ACVR1B: variants seen among roughly 807,000 people sequenced by gnomAD.
ACVR1B encodes activin A receptor type 1B, also known as activin receptor type-1B.
ACVR1B carries 15 observed loss-of-function variants against 55.6 expected under a neutral mutation model. That is an observed-to-expected ratio of 0.27 (90% confidence interval 0.18 to 0.42). The LOEUF is 0.42. ACVR1B is among the 10% of genes least tolerant of loss of function. The pLI, the probability that ACVR1B is intolerant of heterozygous loss-of-function variation, is 1.00. For missense variants in ACVR1B, 359 were observed against 670.1 expected (o/e 0.54, Z 5.13); for synonymous variants, 247 against 254.6 (o/e 0.97, Z 0.28).
intron 1 of ACVR1B, among the ~76,000 whole-genome samples, chr12:51,962,730 T>C (rs887146295): frequency 6.6e-6 from 1 of 152,212 alleles, no homozygotes; most frequent in African/African-American, 2.4e-5. Flanking sequence ...GTTGTCTAGA[T>C]CAGTAGCTAT....
chr12:51,951,784 T>C lies in ACVR1B; in HGVS notation c.41T>C (p.Val14Ala), dbSNP rs1300142889. ...SAGASSFFPLVVLLLAGSGGS... is the reference protein window; with the variant it reads ...SAGASSFFPLAVLLLAGSGGS... ...GGAGCCTCCTCCTTCTTCCCCCTTG[T>C]TGTCCTCCTGCTCGCCGGCAGCGGC... The change falls in exon 1 of 9, where the codon GTT becomes GCT. Residue 14 changes from valine to alanine, a missense_variant. Around this residue, in one of 5 missense-constraint regions of ACVR1B, gnomAD observed 48 missense variants for 40.6 expected, o/e 1.18. Coordinates refer to ENST00000257963, the MANE Select transcript of ACVR1B (RefSeq NM_004302.5). 1 of 1,296,154 alleles carries C rather than the reference T, an allele frequency of 7.7e-7. No individual in the cohort carries two copies. The highest frequency in any genetic ancestry group is 1.5e-5 in the African/African-American group (1 of 65,700). 80.3% of individuals were successfully genotyped at this position (1,296,154 alleles called of 1,614,324 possible).
intron 1 of ACVR1B, among the ~76,000 whole-genome samples, chr12:51,959,566 C>G (rs1320855028): frequency 1.1e-4 from 16 of 152,214 alleles, no homozygotes; most frequent in Admixed American, 1.0e-3. Flanking sequence ...GCCTGGACTT[C>G]TGACCTGTAG....
At chr12:51,976,634 A>G in intron 3 of ACVR1B, 59 bp downstream of exon 3, 1 of 1,598,000 alleles carries the variant, frequency 6.3e-7, no homozygotes, top group South Asian at 1.1e-5. Context: ...TCCCAGCAGG[A>G]TAGAGTGCTT....
At chr12:51,957,384 C>A (rs1043618086) in intron 1 of ACVR1B, among the ~76,000 whole-genome samples, 1 of 147,790 alleles carries the variant, frequency 6.8e-6, no homozygotes, top group Non-Finnish European at 1.5e-5. Context: ...GCAGAGGTTG[C>A]AGTGAGCGGA....
intron 7 of ACVR1B, chr12:51,987,851 G>C (rs894654426): frequency 2.0e-5 from 3 of 152,262 alleles, no homozygotes; most frequent in African/African-American, 7.2e-5. Context: ...AATATAATTA[G>C]ATTGTTTGTA....
chr12:51,983,276 T>C (rs1942014258), intron 4 of ACVR1B, among the ~76,000 whole-genome samples: 1 of 152,196 alleles, frequency 6.6e-6, no homozygotes, highest in Non-Finnish European at 1.5e-5. Flanking sequence ...CTCTCCTCCT[T>C]CCTGCTGTCC....
intron 1 of ACVR1B, 43 bp downstream of exon 1, chr12:51,951,877 C>A: frequency 8.4e-7 from 1 of 1,189,946 alleles, no homozygotes; most frequent in Non-Finnish European, 1.1e-6. Flanking sequence ...TGGAGAGGGC[C>A]CGGCAAGGGC....
Position 51,958,760 on chromosome 12 carries a change from C to T in ACVR1B, c.91+6926C>T, listed in dbSNP as rs192157570. On this transcript the variant is annotated intron_variant, in intron 1 of 8. Coordinates refer to ENST00000257963, the MANE Select transcript of ACVR1B (RefSeq NM_004302.5). ...GCGGTTCACCGTAGGTTTCCCACTC[C>T]TATGAGAATCTAATGCCGCCGCTGA... is the stretch of plus-strand genomic sequence containing the variant. Among the ~76,000 whole-genome samples the T allele has an allele frequency of 1.5e-3, 223 of 152,342 alleles. 3 individuals carry two copies. The highest frequency in any genetic ancestry group is 3.2e-3 in the Admixed American group (49 of 15,310).
At position 51,951,817 on chromosome 12, in the gene ACVR1B, G is replaced by A; in HGVS notation, c.74G>A (p.Gly25Glu). Residue 25 changes from glycine to glutamate, a missense_variant, in exon 1 of 9, where the codon GGG (glycine) becomes GAG (glutamate). Gly to Glu is a moderately conservative substitution (Grantham distance 98). Coordinates refer to ENST00000257963, the MANE Select transcript of ACVR1B (RefSeq NM_004302.5). ...VLLLAGSGGSGPRGVQALLCA... is the reference protein window; with the variant it reads ...VLLLAGSGGSEPRGVQALLCA... ...CTGCTCGCCGGCAGCGGCGGGTCCG[G>A]GCCCCGGGGGGTCCAGGGTGAGTCC... 7.8e-7 allele frequency: 1 copy of A among 1,277,712 alleles called. No homozygotes were observed. Among genetic ancestry groups the A allele is most frequent in the Non-Finnish European group, 1.0e-6 (1 of 1,003,576 alleles). 79.1% of individuals were successfully genotyped at this position (1,277,712 alleles called of 1,614,324 possible). A position where few individuals can be genotyped will look rare whatever the true frequency, so the allele number is the denominator to read the frequency against.
chr12:51,989,406 T>C (rs1350065150), intron 7 of ACVR1B, among the ~76,000 whole-genome samples: 2 of 151,836 alleles, frequency 1.3e-5, no homozygotes, highest in Non-Finnish European at 1.5e-5. Context: ...TGCCTCAGCC[T>C]CCCGAGTAGC....
chr12:51,983,903 A>G, intron 4 of ACVR1B, 96 bp from the exon 5 acceptor site: 1 of 1,289,520 alleles, frequency 7.8e-7, no homozygotes, highest in African/African-American at 1.5e-5. Context: ...TCAGGAGTCT[A>G]ACCTGATTTT....
At chr12:51,960,735 C>T (rs905701055) in intron 1 of ACVR1B, among the ~76,000 whole-genome samples, 1 of 152,206 alleles carries the variant, frequency 6.6e-6, no homozygotes, top group South Asian at 2.1e-4. Flanking sequence ...ACTGTGAGTA[C>T]TGTAAAAGTG....
intron 6 of ACVR1B, among the ~76,000 whole-genome samples, 184 bp from the exon 7 acceptor site, chr12:51,986,634 G>A (rs1942081319): frequency 6.6e-6 from 1 of 152,240 alleles, no homozygotes; most frequent in South Asian, 2.1e-4. Flanking sequence ...CTGTGCTGAA[G>A]TATTTAGAAT....
chr12:51,989,416 C>A (rs1942145404), intron 7 of ACVR1B, among the ~76,000 whole-genome samples: 1 of 151,882 alleles, frequency 6.6e-6, no homozygotes, highest in Non-Finnish European at 1.5e-5. Flanking sequence ...TCCCGAGTAG[C>A]TGGGATTACA....
intron 7 of ACVR1B, 37 bp from the exon 8 acceptor site, chr12:51,991,826 T>C: frequency 6.3e-7 from 1 of 1,598,908 alleles, no homozygotes; most frequent in Non-Finnish European, 8.5e-7. Context: ...CTTTTCCTGC[T>C]GTTGATAACT....
intron 1 of ACVR1B, among the ~76,000 whole-genome samples, chr12:51,958,814 G>A (rs773152879): frequency 2.0e-5 from 3 of 152,160 alleles, no homozygotes; most frequent in East Asian, 1.9e-4. Flanking sequence ...TCAGGTACCC[G>A]CCTGCCACTT....
At chr12:51,975,601 C>A in intron 2 of ACVR1B, 97 bp downstream of exon 2, 1 of 1,456,214 alleles carries the variant, frequency 6.9e-7, no homozygotes, top group Non-Finnish European at 9.2e-7. Flanking sequence ...CTTGGTTTGA[C>A]GATAAAGATG....
intron 6 of ACVR1B, among the ~76,000 whole-genome samples, chr12:51,986,457 G>A (rs987439264): frequency 2.6e-5 from 4 of 152,038 alleles, no homozygotes; most frequent in South Asian, 2.1e-4. Flanking sequence ...ATGGGGTTTC[G>A]CGATGTTGGC....
In ACVR1B at chr12:51,980,858, G is replaced by A. The variant is rs553968898; in HGVS notation, c.581-111G>A. The A allele has an allele frequency of 4.3e-5, 37 of 856,168 alleles. 1 individual carries two copies. The highest frequency in any genetic ancestry group is 2.3e-4 in the South Asian group (13 of 55,872). The allele number at this position is 856,168 out of a possible 1,614,324, so 53.0% of individuals were successfully genotyped here. On this transcript the variant is annotated intron_variant, in intron 3 of 8. Transcript: ENST00000257963. ...CAGCTCTCCATGGTTAATGGACAGC[G>A]TAGGATGAAGACACCATGTTAAGGG... is the stretch of plus-strand genomic sequence containing the variant.
Sources: gnomAD v4.1 joint callset for allele counts (sites outside exome capture counted in the v4.1 genomes callset) on GRCh38, gnomAD v4.1.1 for gene constraint, gnomAD v4.1.1 regional missense constraint, MANE v1.5 for transcripts, NCBI Gene and HGNC (gene_info 2026-07-23, HGNC 2026-07-21) for gene names.